Variants in ANAPC7 observed in about 807,000 individuals in gnomAD.
ANAPC7 encodes anaphase-promoting complex subunit 7.
In ANAPC7, 25 loss-of-function variants were observed where a neutral mutation model predicts 63.3. That is an observed-to-expected ratio of 0.39 (90% confidence interval 0.29 to 0.55). The LOEUF (loss-of-function observed/expected upper bound fraction) is 0.55. ANAPC7 is among the 20% of genes least tolerant of loss of function. ANAPC7 has a pLI of 0.57. For synonymous variants in ANAPC7, 241 were observed against 251.7 expected, an observed-to-expected ratio of 0.96 and a Z score of 0.40; for missense variants, 516 against 691.7, an observed-to-expected ratio of 0.75 and a Z score of 2.85.
intron 4 of ANAPC7, 35 bp from the exon 5 acceptor site, chr12:110,387,927 G>A (rs919204823): frequency 6.2e-7 from 1 of 1,606,486 alleles, no homozygotes. Context: ...AGAAAGTAAG[G>A]CACGATATCT....
chr12:110,402,030 G>A (rs934393853), intron 1 of ANAPC7, among the ~76,000 whole-genome samples: 2 of 148,582 alleles, frequency 1.3e-5, no homozygotes, highest in African/African-American at 5.0e-5. Context: ...ACAAAAATTA[G>A]CTGGGCGTGT....
At position 110,373,138 on chromosome 12, in the gene ANAPC7, A is replaced by C. The variant is rs1294442076; in HGVS notation, c.*1006T>G. 2.6e-5 allele frequency: 4 copies of C among 151,870 alleles called. No homozygotes were observed. The highest frequency in any genetic ancestry group is 5.9e-5 in the Non-Finnish European group (4 of 67,986). The allele number at this position is 151,870 out of a possible 1,614,324, so 9.4% of individuals were successfully genotyped here. On this transcript the variant is annotated 3_prime_UTR_variant, in exon 11 of 11. Coordinates refer to ENST00000455511, the MANE Select transcript of ANAPC7 (RefSeq NM_016238.3). ...CACAAGGGAGAGGGTGTGGGAAGAA[A>C]CTCCCAGCCCCAGAGCTCAGGGTGT...
In ANAPC7 at chr12:110,382,967, GAGA is replaced by G. The variant is rs746820496; in HGVS notation, c.818-10_818-8del. On this transcript the variant is annotated splice_polypyrimidine_tract_variant and splice_region_variant and intron_variant, in intron 6 of 10. Coordinates refer to ENST00000455511, the MANE Select transcript of ANAPC7 (RefSeq NM_016238.3). The stretch of plus-strand genomic sequence containing the variant: ...TAGCCATATACATCCATTCCTAGAA[GAGA>G]AGGACATAGTGAGAAGAGGTGTTTT... The G allele has an allele frequency of 6.2e-6, 10 of 1,607,356 alleles. No individual in the cohort carries two copies. The highest frequency in any genetic ancestry group is 7.7e-6 in the Non-Finnish European group (9 of 1,174,764).
intron 8 of ANAPC7, chr12:110,377,828 C>A: frequency 1.4e-6 from 2 of 1,419,748 alleles, no homozygotes; most frequent in Non-Finnish European, 1.8e-6. Flanking sequence ...TAGAAAAAGA[C>A]TGCCTTCAAA....
chr12:110,400,590 C>T (rs987399012), intron 1 of ANAPC7, among the ~76,000 whole-genome samples: 19 of 152,222 alleles, frequency 1.2e-4, no homozygotes, highest in African/African-American at 4.3e-4. Context: ...CTAAGAGTAA[C>T]TAGGGCCTAA....
In ANAPC7 at chr12:110,396,180, G is replaced by T. The variant is rs1425970974; in HGVS notation, c.288+86C>A. 2.0e-5 allele frequency: 25 copies of T among 1,230,676 alleles called. 1 individual carries two copies. The South Asian group carries it at 2.9e-4, about 14-fold the overall frequency. 76.2% of individuals were successfully genotyped at this position (1,230,676 alleles called of 1,614,324 possible). On this transcript the variant is annotated intron_variant, in intron 2 of 10. Transcript: ENST00000455511. ...TGCAGCCTGGTTCCTAACAGACCAG[G>T]CACTGGGGCCTGGGGACCCTGTTCT...
intron 1 of ANAPC7, among the ~76,000 whole-genome samples, chr12:110,403,210 A>C (rs1430744688): frequency 1.3e-5 from 2 of 152,216 alleles, no homozygotes; most frequent in Non-Finnish European, 2.9e-5. Context: ...GGAAGGATTC[A>C]GCCTAGCGAT....
chr12:110,391,984 C>T lies in ANAPC7; in HGVS notation c.408+3117G>A, dbSNP rs371264796. ...GCACACGCCTGTAGTCCCAGCTACT[C>T]GGGAGGCTGAGGTAGGGGAATCGCT... On this transcript the variant is annotated intron_variant, in intron 3 of 10. Coordinates refer to ENST00000455511, the MANE Select transcript of ANAPC7 (RefSeq NM_016238.3). Among the ~76,000 whole-genome samples the T allele has an allele frequency of 6.1e-5, 9 of 146,408 alleles. No homozygotes were observed. In the South Asian group the frequency reaches 6.7e-4, roughly 11 times the overall value.
At chr12:110,396,158 A>C (rs1307773811) in intron 2 of ANAPC7, 108 bp downstream of exon 2, 1 of 960,430 alleles carries the variant, frequency 1.0e-6, no homozygotes, top group African/African-American at 1.7e-5. Context: ...CCTGCTGTGC[A>C]GCCTGGTTCC....
At chr12:110,383,524 G>C (rs1345186528) in intron 6 of ANAPC7, among the ~76,000 whole-genome samples, 1 of 151,894 alleles carries the variant, frequency 6.6e-6, no homozygotes, top group African/African-American at 2.4e-5. Context: ...GGATCACCTG[G>C]GCCCAGGAGT....
rs191856105 is a variant in ANAPC7, at chr12:110,394,625, T to C, written c.408+476A>G. 9.8e-3 allele frequency among the ~76,000 whole-genome samples: 1,284 copies of C among 131,270 alleles called. 25 individuals carry two copies. The highest frequency in any genetic ancestry group is 0.037 in the African/African-American group (1,225 of 33,536). 86.1% of individuals were successfully genotyped at this position (131,270 alleles called of 152,430 possible). ...TGGGCAACTTTGCAGTGAGCCCCCATGCTATTGCACTCCAGCCTGGGCAAC... is the reference window on the plus strand; with the variant it reads ...TGGGCAACTTTGCAGTGAGCCCCCACGCTATTGCACTCCAGCCTGGGCAAC... On this transcript the variant is annotated intron_variant, in intron 3 of 10. Transcript: ENST00000455511.
chr12:110,384,866 T>C (rs976031390), intron 6 of ANAPC7, among the ~76,000 whole-genome samples: 4 of 152,190 alleles, frequency 2.6e-5, no homozygotes, highest in African/African-American at 9.7e-5. Context: ...CCCAGAGTTC[T>C]AGACCATCAG....
chr12:110,388,971 A>C (rs1196212016), intron 3 of ANAPC7, among the ~76,000 whole-genome samples: 3 of 151,222 alleles, frequency 2.0e-5, no homozygotes, highest in Non-Finnish European at 4.4e-5. Flanking sequence ...AGTCCCAGCT[A>C]CTCGGGAGGC....
intron 3 of ANAPC7, among the ~76,000 whole-genome samples, chr12:110,392,012 A>G (rs1331709244): frequency 2.1e-5 from 3 of 146,178 alleles, no homozygotes; most frequent in Non-Finnish European, 4.4e-5. Context: ...GAATCGCTTG[A>G]ACCCGGGAGG....
chr12:110,385,631 C>T (rs1162508221), intron 6 of ANAPC7, among the ~76,000 whole-genome samples: 1 of 152,242 alleles, frequency 6.6e-6, no homozygotes, highest in African/African-American at 2.4e-5. Context: ...TCTAGATCTG[C>T]TTCCTCATCT....
At position 110,377,652 on chromosome 12, in the gene ANAPC7, C is replaced by T. The variant is rs778642374; in HGVS notation, c.1133-35G>A. 27 of 1,612,598 alleles carry T rather than the reference C, an allele frequency of 1.7e-5. No homozygotes were observed. In the South Asian group the frequency reaches 2.0e-4, roughly 12 times the overall value. ...GTAAAACACGTGAAGACATTCAATG[C>T]CATTACCATTCCAACCCATGCTTCC... is the stretch of plus-strand genomic sequence containing the variant. On this transcript the variant is annotated intron_variant, in intron 8 of 10. Transcript: ENST00000455511.
chr12:110,386,721 C>T (rs559272942), intron 5 of ANAPC7: 2 of 385,682 alleles, frequency 5.2e-6, no homozygotes, highest in Admixed American at 4.3e-5. Flanking sequence ...ACACAACATA[C>T]GCTACATGGT....
intron 1 of ANAPC7, among the ~76,000 whole-genome samples, chr12:110,402,486 C>A (rs1393020833): frequency 6.6e-6 from 1 of 152,066 alleles, no homozygotes; most frequent in Non-Finnish European, 1.5e-5. Flanking sequence ...CCCGCCACCA[C>A]GCCTGGCTAA....
chr12:110,376,028 T>TC (rs1566257484), intron 10 of ANAPC7, 38 bp downstream of exon 10: 1 of 1,586,906 alleles, frequency 6.3e-7, no homozygotes, highest in Non-Finnish European at 8.6e-7. Context: ...TCCTCTACCC[T>TC]CCTCAGTGGC....
Sources: allele counts gnomAD v4.1 joint callset (sites outside exome capture counted in the v4.1 genomes callset), GRCh38; gene constraint gnomAD v4.1.1; transcripts MANE v1.5; gene names NCBI Gene and HGNC (gene_info 2026-07-23, HGNC 2026-07-21).